PPEF1: variants seen among roughly 807,000 people sequenced by gnomAD.
PPEF1 encodes protein phosphatase with EF-hand domain 1.
A neutral mutation model predicts 53.3 loss-of-function variants in PPEF1; 12 were observed. That is an observed-to-expected ratio of 0.23 (90% CI 0.14 to 0.36). PPEF1 has a LOEUF of 0.36. PPEF1 is among the 10% of genes least tolerant of loss of function. The pLI is 1.00. For missense variants in PPEF1, 334 were observed against 490.4 expected, an observed-to-expected ratio of 0.68 and a Z score of 3.01; for synonymous variants, 165 against 176.7, an observed-to-expected ratio of 0.93 and a Z score of 0.52.
At chrX:18,762,910 C>A (rs747910793) in intron 6 of PPEF1, among the ~76,000 whole-genome samples, 219 of 111,718 alleles carry the variant, frequency 2.0e-3, no homozygotes, top group African/African-American at 6.8e-3. Flanking sequence ...GGTTGGGCTG[C>A]TATTTCTCAT....
At chrX:18,763,863 CTGTCAGAGAG>C (rs2045714698) in intron 6 of PPEF1, among the ~76,000 whole-genome samples, 1 of 111,033 alleles carries the variant, frequency 9.0e-6, no homozygotes, top group South Asian at 3.8e-4. Context: ...TAGAGTGTGA[CTGTCAGAGAG>C]TGTCAGGAGG....
At chrX:18,695,645 G>T (rs191982484) in intron 4 of PPEF1, among the ~76,000 whole-genome samples, 18 of 112,383 alleles carry the variant, frequency 1.6e-4, no homozygotes, top group African/African-American at 5.8e-4. Flanking sequence ...TTTTTGATTT[G>T]ATTTATGAAC....
In PPEF1 at chrX:18,742,712, G is replaced by A. The variant is rs986050486; in HGVS notation, c.236-7080G>A. Among the ~76,000 whole-genome samples, 8 of 110,300 alleles carry A rather than the reference G, an allele frequency of 7.3e-5. No individual in the cohort carries two copies. In the South Asian group the frequency reaches 1.6e-3, roughly 21 times the overall value. ...AAAAATACAAAAATTAGCTGGGTGT[G>A]TTGGTGCACGCCTGTAATCCCATCT... On this transcript the variant is annotated intron_variant, in intron 3 of 15. Transcript: ENST00000470157.
In PPEF1 at chrX:18,707,694, C is replaced by T; in HGVS notation, c.-87C>T. The T allele has an allele frequency of 2.3e-6, 2 of 855,399 alleles. No individual in the cohort carries two copies. The highest frequency in any genetic ancestry group is 3.5e-6 in the Non-Finnish European group (2 of 578,798). The allele number at this position is 855,399 out of a possible 1,213,427, so 70.5% of individuals were successfully genotyped here. Reference sequence around the variant, plus strand: ...TGAAGAGGATCGGCTAAGAGTGGTTCCTCGCAGCTTAAAGGGAGGCACTTT... The same window carrying T: ...TGAAGAGGATCGGCTAAGAGTGGTTTCTCGCAGCTTAAAGGGAGGCACTTT... On this transcript the variant is annotated 5_prime_UTR_variant, in exon 1 of 16. Coordinates refer to ENST00000470157, the MANE Select transcript of PPEF1 (RefSeq NM_001377996.1).
chrX:18,710,927 C>T (rs984957149), intron 1 of PPEF1, among the ~76,000 whole-genome samples: 7 of 110,121 alleles, frequency 6.4e-5, no homozygotes, highest in Non-Finnish European at 1.1e-4. Flanking sequence ...ATGGAATCAC[C>T]GTAAGTGTTT....
intron 4 of PPEF1, among the ~76,000 whole-genome samples, chrX:18,751,872 C>T (rs748306708): frequency 1.2e-4 from 13 of 112,613 alleles, no homozygotes; most frequent in Non-Finnish European, 2.4e-4. Flanking sequence ...GTGTCTGTGC[C>T]AGTACCACAC....
chrX:18,728,671 G>A (rs1175237104), intron 1 of PPEF1, among the ~76,000 whole-genome samples: 2 of 110,994 alleles, frequency 1.8e-5, no homozygotes, highest in African/African-American at 3.3e-5. Flanking sequence ...TATTTCCTGG[G>A]GTTTTCTGAA....
chrX:18,768,827 G>T (rs753928591), intron 6 of PPEF1, among the ~76,000 whole-genome samples: 1 of 112,111 alleles, frequency 8.9e-6, no homozygotes, highest in Non-Finnish European at 1.9e-5. Flanking sequence ...GACATGTTAT[G>T]ATTGGGATCA....
chrX:18,750,420 C>T (rs923812262), intron 4 of PPEF1, among the ~76,000 whole-genome samples: 4 of 111,792 alleles, frequency 3.6e-5, no homozygotes, highest in Non-Finnish European at 5.6e-5. Context: ...AATATATGGC[C>T]TTTTGTGTTT....
At chrX:18,743,927 C>T (rs749594759) in intron 3 of PPEF1, among the ~76,000 whole-genome samples, 2 of 109,087 alleles carry the variant, frequency 1.8e-5, no homozygotes, top group African/African-American at 6.7e-5. Flanking sequence ...CTCACTCTGT[C>T]GCCCAGGCTG....
intron 3 of PPEF1, among the ~76,000 whole-genome samples, chrX:18,689,517 A>T (rs1602341156): frequency 9.3e-6 from 1 of 107,167 alleles, no homozygotes; most frequent in East Asian, 3.0e-4. Context: ...ATAAAAATAA[A>T]TAAATAAAAA....
chrX:18,757,874 T>C, intron 5 of PPEF1, 133 bp downstream of exon 5: 1 of 411,203 alleles, frequency 2.4e-6, no homozygotes, highest in Non-Finnish European at 4.2e-6. Flanking sequence ...TCTATCATGA[T>C]AATACTGTTC....
At chrX:18,735,159 T>C (rs1232650915) in intron 3 of PPEF1, among the ~76,000 whole-genome samples, 1 of 111,921 alleles carries the variant, frequency 8.9e-6, no homozygotes, top group African/African-American at 3.2e-5. Context: ...ATTTTGGCTT[T>C]TGTTGCCATT....
chrX:18,732,226 A>G (rs2044854589), intron 2 of PPEF1, among the ~76,000 whole-genome samples: 1 of 112,815 alleles, frequency 8.9e-6, no homozygotes, highest in Non-Finnish European at 1.9e-5. Context: ...ATTCCATTGT[A>G]TGGATGGACC....
In PPEF1 at chrX:18,816,664, G is replaced by A. The variant is rs556372456; in HGVS notation, c.1395-1375G>A. 1.3e-4 allele frequency among the ~76,000 whole-genome samples: 15 copies of A among 111,835 alleles called. 1 individual carries two copies. In the South Asian group the frequency reaches 4.1e-3, roughly 31 times the overall value. Reference sequence around the variant, plus strand: ...TCAATATTATTGTTGAATTGTCTATGTCTCCCTTCAGTTCTGTCCGTTTTT... The same window carrying A: ...TCAATATTATTGTTGAATTGTCTATATCTCCCTTCAGTTCTGTCCGTTTTT... On this transcript the variant is annotated intron_variant, in intron 12 of 15. Transcript: ENST00000470157.
exon 2 of PPEF1, among the ~76,000 whole-genome samples, chrX:18,684,714 C>G (rs1413214856): frequency 9.1e-6 from 1 of 109,823 alleles, no homozygotes; most frequent in East Asian, 2.9e-4. Flanking sequence ...GCAACCTCCA[C>G]CTCCCGGGTT....
chrX:18,690,366 T>G (rs1363265614), intron 3 of PPEF1, among the ~76,000 whole-genome samples: 2 of 105,101 alleles, frequency 1.9e-5, no homozygotes, highest in Non-Finnish European at 3.9e-5. Context: ...TTGTTTTTTT[T>G]TTTTTTTTTT....
intron 1 of PPEF1, among the ~76,000 whole-genome samples, chrX:18,722,373 C>T (rs2044607285): frequency 8.9e-6 from 1 of 111,778 alleles, no homozygotes; most frequent in Non-Finnish European, 1.9e-5. Context: ...GAGGCCAGGC[C>T]CCTTAAAGGT....
intron 6 of PPEF1, among the ~76,000 whole-genome samples, chrX:18,776,267 T>C (rs2045964712): frequency 9.0e-6 from 1 of 111,004 alleles, no homozygotes; most frequent in Admixed American, 9.6e-5. Flanking sequence ...AGGGTCTCAC[T>C]GTGTCACCCA....
Sources: allele counts gnomAD v4.1 joint callset (sites outside exome capture counted in the v4.1 genomes callset), GRCh38; gene constraint gnomAD v4.1.1; transcripts MANE v1.5; gene names NCBI Gene and HGNC (gene_info 2026-07-23, HGNC 2026-07-21).